Variants in KAZN observed in about 807,000 individuals in gnomAD.
The protein encoded by KAZN is kazrin.
In KAZN, 40 loss-of-function variants were observed where a neutral mutation model predicts 87.4. The observed-to-expected ratio is 0.46, with a 90% CI of 0.36 to 0.60. The LOEUF (loss-of-function observed/expected upper bound fraction) is 0.60, where lower values mean the gene tolerates loss of function less well. KAZN is among the 20% of genes least tolerant of loss of function. The pLI, the probability that KAZN is intolerant of heterozygous loss-of-function variation, is 0.00. For missense variants in KAZN, 898 were observed against 1,073.9 expected (o/e 0.84, Z 2.29); for synonymous variants, 466 against 458.3 (o/e 1.02, Z -0.22).
chr1:14,520,561 C>G (rs1009323015), intron 2 of KAZN, among the ~76,000 whole-genome samples: 1 of 152,162 alleles, frequency 6.6e-6, no homozygotes, highest in African/African-American at 2.4e-5. Flanking sequence ...CAAGAGAGCT[C>G]CTCTGACTTC....
At chr1:13,990,828 A>G (rs928324838) in intron 1 of KAZN, among the ~76,000 whole-genome samples, 2 of 152,208 alleles carry the variant, frequency 1.3e-5, no homozygotes. Context: ...CAAGTGCAAT[A>G]AATGTTAATT....
intron 1 of KAZN, among the ~76,000 whole-genome samples, chr1:13,937,007 G>A (rs1350393391): frequency 6.7e-6 from 1 of 150,214 alleles, no homozygotes; most frequent in African/African-American, 2.4e-5. Flanking sequence ...ATCTTCTTTT[G>A]AAAAATGTCC....
intron 2 of KAZN, among the ~76,000 whole-genome samples, chr1:14,445,932 C>G (rs947013528): frequency 6.6e-6 from 1 of 151,724 alleles, no homozygotes; most frequent in Admixed American, 6.6e-5. Flanking sequence ...CACAGTGGCT[C>G]AAGCCTGTAA....
chr1:14,406,505 A>G (rs562798881), intron 2 of KAZN, among the ~76,000 whole-genome samples: 2 of 152,254 alleles, frequency 1.3e-5, no homozygotes, highest in South Asian at 4.1e-4. Flanking sequence ...ATGAAAAGGC[A>G]TAAGAATGAC....
At chr1:15,007,308 T>C (rs1440345655) in intron 2 of KAZN, among the ~76,000 whole-genome samples, 4 of 152,184 alleles carry the variant, frequency 2.6e-5, no homozygotes, top group Non-Finnish European at 5.9e-5. Context: ...TAACCCCATT[T>C]ATCACCAGTG....
chr1:14,816,627 A>T (rs139563763), intron 1 of KAZN, among the ~76,000 whole-genome samples: 60 of 152,356 alleles, frequency 3.9e-4, no homozygotes, highest in African/African-American at 1.4e-3. Flanking sequence ...ACAGACAGAC[A>T]TATTAATAGA....
chr1:14,408,714 A>G (rs1347179453), intron 2 of KAZN, among the ~76,000 whole-genome samples: 1 of 152,194 alleles, frequency 6.6e-6, no homozygotes, highest in Non-Finnish European at 1.5e-5. Flanking sequence ...TCATGTTGGG[A>G]GTTATAGCAT....
intron 2 of KAZN, among the ~76,000 whole-genome samples, chr1:14,409,991 A>C (rs1331371893): frequency 6.6e-6 from 1 of 152,222 alleles, no homozygotes; most frequent in Non-Finnish European, 1.5e-5. Context: ...ATGAAAAAAC[A>C]ATCAGCTGGA....
At chr1:14,547,470 G>A (rs2148505460) in intron 2 of KAZN, among the ~76,000 whole-genome samples, 1 of 152,346 alleles carries the variant, frequency 6.6e-6, no homozygotes, top group Admixed American at 6.5e-5. Flanking sequence ...GGTTGGAACA[G>A]ATCGTTTTCA....
At position 14,175,967 on chromosome 1, in the gene KAZN, C is replaced by A. The variant is rs112769661; in HGVS notation, c.92-4468C>A. On this transcript the variant is annotated intron_variant, in intron 1 of 16. Coordinates refer to the KAZN transcript ENST00000636203. ...CTCCTCATGGCTCAGCATGTCCTAA[C>A]CTTCCTGTTTGCAGATAACATACAG... 7.4e-3 allele frequency among the ~76,000 whole-genome samples: 1,124 copies of A among 152,238 alleles called. 18 individuals are homozygous for A. Among genetic ancestry groups the A allele is most frequent in the African/African-American group, 0.025 (1,055 of 41,546 alleles).
At chr1:14,676,121 GT>G (rs1017477325) in intron 1 of KAZN, among the ~76,000 whole-genome samples, 10 of 152,058 alleles carry the variant, frequency 6.6e-5, no homozygotes, top group East Asian at 1.9e-4. Context: ...GTTGTTCCTG[GT>G]TTTTTTTCCG....
intron 1 of KAZN, among the ~76,000 whole-genome samples, chr1:13,980,674 A>G (rs1638617392): frequency 6.6e-6 from 1 of 152,176 alleles, no homozygotes; most frequent in African/African-American, 2.4e-5. Context: ...AATCAGGGCT[A>G]GAGATTTTAA....
At chr1:14,450,094 C>A (rs1218570722) in intron 2 of KAZN, among the ~76,000 whole-genome samples, 1 of 147,276 alleles carries the variant, frequency 6.8e-6, no homozygotes, top group African/African-American at 2.5e-5. Context: ...GCTCTGGGAG[C>A]TTCAGGAGAT....
At chr1:15,064,644 A>G (rs1366559981) in intron 7 of KAZN, among the ~76,000 whole-genome samples, 1 of 152,224 alleles carries the variant, frequency 6.6e-6, no homozygotes, top group Non-Finnish European at 1.5e-5. Context: ...TAGAGTCATG[A>G]TCAGAAATGG....
At chr1:14,585,033 A>G (rs910586179) in intron 2 of KAZN, among the ~76,000 whole-genome samples, 3 of 152,168 alleles carry the variant, frequency 2.0e-5, no homozygotes, top group African/African-American at 7.2e-5. Context: ...TTACAAGAAG[A>G]GGAGATGAGG....
intron 1 of KAZN, among the ~76,000 whole-genome samples, chr1:14,958,446 A>G (rs553977460): frequency 2.0e-4 from 30 of 152,034 alleles, no homozygotes; most frequent in Non-Finnish European, 3.7e-4. Context: ...TCCTGGGTAC[A>G]TGGAGCACTT....
chr1:14,438,095 C>CAA (rs35260375), intron 2 of KAZN, among the ~76,000 whole-genome samples: 12 of 134,052 alleles, frequency 9.0e-5, no homozygotes, highest in Non-Finnish European at 1.1e-4. Flanking sequence ...TCCCTAAAGC[C>CAA]AAAAAAAAAA....
intron 2 of KAZN, among the ~76,000 whole-genome samples, chr1:14,527,693 A>G (rs920753042): frequency 6.6e-6 from 1 of 152,180 alleles, no homozygotes; most frequent in African/African-American, 2.4e-5. Flanking sequence ...AGAAGCCAGC[A>G]TGTGCAGAGA....
chr1:14,921,955 ACC>A (rs1658576148), intron 1 of KAZN, among the ~76,000 whole-genome samples: 1 of 151,768 alleles, frequency 6.6e-6, no homozygotes, highest in South Asian at 2.1e-4. Context: ...CAAGTCACCC[ACC>A]CTCTTCGGCC....
Sources: allele counts gnomAD v4.1 joint callset (sites outside exome capture counted in the v4.1 genomes callset), GRCh38; gene constraint gnomAD v4.1.1; transcripts MANE v1.5; gene names NCBI Gene and HGNC (gene_info 2026-07-23, HGNC 2026-07-21).